The following CRPPA variants were observed in gnomAD, a reference collection of about 807,000 sequenced individuals.
CRPPA encodes CDP-L-ribitol pyrophosphorylase A.
A neutral mutation model predicts 52.0 loss-of-function variants in CRPPA; 43 were observed. That is an observed-to-expected ratio of 0.83 (90% CI 0.65 to 1.07). The LOEUF is 1.07. CRPPA is among the 50% of genes least tolerant of loss of function. CRPPA has a pLI of 0.00. For missense variants in CRPPA, 629 were observed against 551.7 expected (o/e 1.14, Z -1.40); for synonymous variants, 250 against 203.5 (o/e 1.23, Z -1.94).
At chr7:16,395,699 T>C (rs938972046) in intron 2 of CRPPA, among the ~76,000 whole-genome samples, 1 of 152,210 alleles carries the variant, frequency 6.6e-6, no homozygotes, top group Non-Finnish European at 1.5e-5. Flanking sequence ...CATTTTACAT[T>C]CTACCTATAA....
chr7:16,209,632 A>G (rs1782077735), intron 9 of CRPPA, among the ~76,000 whole-genome samples: 1 of 152,184 alleles, frequency 6.6e-6, no homozygotes. Flanking sequence ...CATTCACACA[A>G]AAAAAGAAAG....
chr7:16,210,411 G>A (rs545216582), intron 9 of CRPPA: 1 of 152,314 alleles, frequency 6.6e-6, no homozygotes, highest in South Asian at 2.1e-4. Context: ...GTACAGCAAA[G>A]GGGATGGGAT....
intron 8 of CRPPA, among the ~76,000 whole-genome samples, chr7:16,233,890 T>C (rs1782871560): frequency 6.6e-6 from 1 of 152,162 alleles, no homozygotes. Context: ...TTTATATTTA[T>C]GACAAGGGTA....
intron 1 of CRPPA, among the ~76,000 whole-genome samples, chr7:16,419,215 T>A (rs1788269634): frequency 6.6e-6 from 1 of 152,224 alleles, no homozygotes; most frequent in Non-Finnish European, 1.5e-5. Context: ...TTTTTACACT[T>A]CCATTTTCCA....
At chr7:16,280,600 C>G (rs990720709) in intron 5 of CRPPA, among the ~76,000 whole-genome samples, 1 of 152,104 alleles carries the variant, frequency 6.6e-6, no homozygotes, top group Non-Finnish European at 1.5e-5. Flanking sequence ...GTAGGTTTTC[C>G]TTGCCTTGTT....
chr7:16,306,242 C>T (rs1784909292), intron 4 of CRPPA, among the ~76,000 whole-genome samples: 1 of 152,174 alleles, frequency 6.6e-6, no homozygotes, highest in African/African-American at 2.4e-5. Flanking sequence ...CGGATTAGGA[C>T]TTGAACATAC....
intron 5 of CRPPA, among the ~76,000 whole-genome samples, chr7:16,288,889 A>G (rs898317841): frequency 2.6e-5 from 4 of 151,106 alleles, no homozygotes; most frequent in African/African-American, 9.7e-5. Context: ...ACAAAAAACA[A>G]AAACAAACCA....
chr7:16,261,787 C>T (rs1783811581), intron 6 of CRPPA: 2 of 152,014 alleles, frequency 1.3e-5, no homozygotes, highest in Non-Finnish European at 2.9e-5. Flanking sequence ...ATTTTCCATT[C>T]ATTTTCTTGG....
chr7:16,370,358 A>G (rs1384389060), intron 3 of CRPPA, among the ~76,000 whole-genome samples: 2 of 152,136 alleles, frequency 1.3e-5, no homozygotes, highest in African/African-American at 4.8e-5. Flanking sequence ...CCAATGTACA[A>G]CCAAGGAATC....
At chr7:16,326,588 T>C (rs1452513234) in intron 3 of CRPPA, among the ~76,000 whole-genome samples, 1 of 152,228 alleles carries the variant, frequency 6.6e-6, no homozygotes, top group Non-Finnish European at 1.5e-5. Flanking sequence ...AAAAAAGTGA[T>C]GAAGTTGATG....
At chr7:16,348,435 G>A (rs1006379952) in intron 3 of CRPPA, among the ~76,000 whole-genome samples, 1 of 152,106 alleles carries the variant, frequency 6.6e-6, no homozygotes, top group African/African-American at 2.4e-5. Flanking sequence ...ATTTCACCCT[G>A]GAAGAGGTTT....
chr7:16,224,611 A>G (rs934751070), intron 8 of CRPPA, among the ~76,000 whole-genome samples: 1 of 152,174 alleles, frequency 6.6e-6, no homozygotes, highest in African/African-American at 2.4e-5. Flanking sequence ...CTTTGAATCT[A>G]CATAATAGCT....
chr7:16,215,970 C>T (rs566672701), intron 9 of CRPPA, 96 bp downstream of exon 9: 17 of 979,548 alleles, frequency 1.7e-5, no homozygotes, highest in Non-Finnish European at 2.4e-5. Context: ...TGTAATTTCA[C>T]TTATCAATAA....
chr7:16,208,768 C>CAGGT, intron 9 of CRPPA, among the ~76,000 whole-genome samples: 1 of 152,284 alleles, frequency 6.6e-6, no homozygotes, highest in Admixed American at 6.5e-5. Context: ...ATATCATCTC[C>CAGGT]AGGTATATGA....
Position 16,216,188 on chromosome 7 carries a change from G to C in CRPPA, c.1129C>G (p.Leu377Val), listed in dbSNP as rs780321594. Residue 377 changes from leucine to valine, a missense_variant, in exon 9 of 10, where the codon CTT (leucine) becomes GTT (valine). Leu to Val is a conservative substitution (Grantham distance 32). Transcript: ENST00000407010. ...YPVVVVSVHF[L>V]DFKLVPPSQK... ...CTGGGAGGTACTAATTTAAAATCAA[G>C]AAAATGAACCTGCAAAATATAAAAG... 1.3e-6 allele frequency: 2 copies of C among 1,568,124 alleles called. No individual in the cohort carries two copies. The highest frequency in any genetic ancestry group is 1.7e-6 in the Non-Finnish European group (2 of 1,150,542).
intron 9 of CRPPA, among the ~76,000 whole-genome samples, chr7:16,162,869 G>C (rs531276033): frequency 6.6e-6 from 1 of 151,838 alleles, no homozygotes; most frequent in African/African-American, 2.4e-5. Context: ...TCCTGTATTG[G>C]GTGCATATAT....
chr7:16,306,643 CG>C (rs1015159713), intron 4 of CRPPA, among the ~76,000 whole-genome samples: 2 of 152,122 alleles, frequency 1.3e-5, no homozygotes, highest in African/African-American at 2.4e-5. Flanking sequence ...AGCAATAAAA[CG>C]CCTTAGAGTT....
chr7:16,403,037 C>G (rs779200910), intron 2 of CRPPA, among the ~76,000 whole-genome samples: 1 of 151,974 alleles, frequency 6.6e-6, no homozygotes, highest in East Asian at 1.9e-4. Context: ...AGAGAAAAGG[C>G]AAATTACTTT....
chr7:16,122,051 C>T (rs17169269), intron 9 of CRPPA, among the ~76,000 whole-genome samples: 3,197 of 152,096 alleles, frequency 0.021, 116 homozygotes, highest in African/African-American at 0.072. Flanking sequence ...TACAAATCTC[C>T]TGTGGCACCC....
Sources: allele counts gnomAD v4.1 joint callset (sites outside exome capture counted in the v4.1 genomes callset), GRCh38; gene constraint gnomAD v4.1.1; transcripts MANE v1.5; gene names NCBI Gene and HGNC (gene_info 2026-07-23, HGNC 2026-07-21).